Variants in ARHGAP32 observed in about 807,000 individuals in gnomAD.
The protein encoded by ARHGAP32 is Rho GTPase activating protein 32.
Under a neutral mutation model 186.5 loss-of-function variants are expected in ARHGAP32, and 51 were observed. That is an observed-to-expected ratio of 0.27 (90% CI 0.22 to 0.35). The LOEUF (loss-of-function observed/expected upper bound fraction) is 0.35, where lower values mean the gene tolerates loss of function less well. Among genes scored for constraint, ARHGAP32 ranks in the 10% least tolerant of loss-of-function variants. The pLI is 1.00. For missense variants in ARHGAP32, 2,186 were observed against 2,623.5 expected, an observed-to-expected ratio of 0.83 and a Z score of 3.64; for synonymous variants, 950 against 964.3, an observed-to-expected ratio of 0.99 and a Z score of 0.27.
intron 10 of ARHGAP32, among the ~76,000 whole-genome samples, chr11:129,054,445 CCT>C (rs1430457177): frequency 2.6e-5 from 4 of 152,166 alleles, no homozygotes; most frequent in African/African-American, 7.2e-5. Flanking sequence ...GACCCCATCC[CCT>C]GAGATTCTGA....
At chr11:128,997,264 G>T (rs1443246068) in intron 12 of ARHGAP32, among the ~76,000 whole-genome samples, 1 of 151,896 alleles carries the variant, frequency 6.6e-6, no homozygotes, top group South Asian at 2.1e-4. Flanking sequence ...CATTAAGTTG[G>T]TATTAATTTG....
intron 1 of ARHGAP32, among the ~76,000 whole-genome samples, chr11:129,265,853 C>T (rs1945391392): frequency 6.6e-6 from 1 of 152,134 alleles, no homozygotes; most frequent in Admixed American, 6.6e-5. Flanking sequence ...ACACATTTCA[C>T]ACAAACATTA....
chr11:129,038,888 G>GAAAAAAAAAAAA (rs56810685), intron 11 of ARHGAP32, among the ~76,000 whole-genome samples: 108 of 92,020 alleles, frequency 1.2e-3, no homozygotes, highest in Middle Eastern at 0.012. Context: ...ACCCTGTCTC[G>GAAAAAAAAAAAA]AAAAAAAAAA....
chr11:129,038,328 G>A (rs1452059221), intron 11 of ARHGAP32, among the ~76,000 whole-genome samples: 2 of 151,854 alleles, frequency 1.3e-5, no homozygotes, highest in African/African-American at 4.9e-5. Flanking sequence ...TTTAAAAAAT[G>A]GGTCATAGAC....
chr11:129,064,138 T>TTAAA, intron 8 of ARHGAP32, 114 bp from the exon 9 acceptor site: 2 of 639,632 alleles, frequency 3.1e-6, no homozygotes, highest in Non-Finnish European at 2.3e-6. Context: ...CAAAGAGTCT[T>TTAAA]AAAAAAAAAA....
intron 3 of ARHGAP32, 58 bp downstream of exon 3, chr11:129,124,745 A>C: frequency 7.6e-7 from 1 of 1,322,614 alleles, no homozygotes; most frequent in Non-Finnish European, 1.1e-6. Flanking sequence ...AAGAGAATTG[A>C]AGAACTGATT....
chr11:129,169,494 G>A (rs1448712203), intron 1 of ARHGAP32, among the ~76,000 whole-genome samples: 2 of 151,978 alleles, frequency 1.3e-5, no homozygotes, highest in African/African-American at 4.8e-5. Context: ...AGCTGGGCGT[G>A]GTGGCGGGCG....
chr11:129,077,041 T>C (rs911995505), intron 6 of ARHGAP32, among the ~76,000 whole-genome samples: 3 of 152,062 alleles, frequency 2.0e-5, no homozygotes, highest in African/African-American at 7.3e-5. Context: ...AGAGCAGAAA[T>C]GAATTTAGAG....
intron 6 of ARHGAP32, among the ~76,000 whole-genome samples, chr11:129,072,824 A>T (rs1412464133): frequency 6.6e-6 from 1 of 152,182 alleles, no homozygotes; most frequent in African/African-American, 2.4e-5. Context: ...GGGACAGGAG[A>T]AAATAAACTT....
intron 21 of ARHGAP32, 186 bp downstream of exon 21, chr11:128,973,938 C>T: frequency 1.6e-6 from 1 of 637,596 alleles, no homozygotes; most frequent in East Asian, 2.8e-5. Flanking sequence ...GACCATTGGC[C>T]CTTTTGGGGA....
At chr11:129,022,371 G>GGTTTT (rs978523355) in intron 11 of ARHGAP32, among the ~76,000 whole-genome samples, 3 of 151,978 alleles carry the variant, frequency 2.0e-5, no homozygotes, top group African/African-American at 4.8e-5. Context: ...TGATTTTGTG[G>GGTTTT]GTTTTGTTTT....
At chr11:129,242,644 G>C (rs550078140) in intron 1 of ARHGAP32, among the ~76,000 whole-genome samples, 7 of 150,922 alleles carry the variant, frequency 4.6e-5, no homozygotes, top group African/African-American at 1.7e-4. Context: ...CATGAACCCG[G>C]GAGGTGGAGC....
At chr11:129,272,671 A>C (rs997542267) in intron 1 of ARHGAP32, among the ~76,000 whole-genome samples, 1 of 152,212 alleles carries the variant, frequency 6.6e-6, no homozygotes, top group Admixed American at 6.5e-5. Flanking sequence ...TGCAAGTAAC[A>C]AAAGGCATGG....
At chr11:129,066,904 T>C (rs374384753) in intron 6 of ARHGAP32, 36 bp from the exon 7 acceptor site, 149 of 1,523,220 alleles carry the variant, frequency 9.8e-5, no homozygotes, top group Admixed American at 4.2e-4. Flanking sequence ...ATAATTCACC[T>C]CTATTGGGAA....
chr11:129,082,643 A>T (rs1025112065), intron 6 of ARHGAP32, among the ~76,000 whole-genome samples: 1 of 152,164 alleles, frequency 6.6e-6, no homozygotes, highest in Non-Finnish European at 1.5e-5. Context: ...CACCACAAAA[A>T]TTATGGATGA....
chr11:129,148,564 G>C (rs977189815), intron 2 of ARHGAP32, among the ~76,000 whole-genome samples: 1 of 152,176 alleles, frequency 6.6e-6, no homozygotes, highest in Non-Finnish European at 1.5e-5. Context: ...ACAGGACAGA[G>C]AAAGCTTCCT....
At chr11:129,077,239 C>G (rs1024590108) in intron 6 of ARHGAP32, among the ~76,000 whole-genome samples, 2 of 152,162 alleles carry the variant, frequency 1.3e-5, no homozygotes, top group Admixed American at 1.3e-4. Context: ...CAGCTCAATT[C>G]TGTAATAACT....
intron 11 of ARHGAP32, among the ~76,000 whole-genome samples, chr11:129,026,802 A>G (rs1391992368): frequency 3.5e-4 from 1 of 2,894 alleles, no homozygotes; most frequent in Non-Finnish European, 8.6e-4. Flanking sequence ...TCCATCTTGG[A>G]AAAAAAAAAA....
At chr11:129,190,641 A>G (rs1001984720) in intron 1 of ARHGAP32, among the ~76,000 whole-genome samples, 1 of 152,234 alleles carries the variant, frequency 6.6e-6, no homozygotes, top group Non-Finnish European at 1.5e-5. Context: ...CTAGGATTAC[A>G]GTACCAAATC....
Sources: allele counts gnomAD v4.1 joint callset (sites outside exome capture counted in the v4.1 genomes callset), GRCh38; gene constraint gnomAD v4.1.1; transcripts MANE v1.5; gene names NCBI Gene and HGNC (gene_info 2026-07-23, HGNC 2026-07-21).